CRB2: variants seen among roughly 807,000 people sequenced by gnomAD.
CRB2 encodes the protein protein crumbs homolog 2.
CRB2 carries 85 observed loss-of-function variants against 110.9 expected under a neutral mutation model. The ratio of observed to expected loss-of-function variants is 0.77; its 90% CI spans 0.64 to 0.92. CRB2 has a LOEUF of 0.92. Ranked by LOEUF, CRB2 falls within the 40% of genes least tolerant of loss-of-function variation. The pLI, the probability that CRB2 is intolerant of heterozygous loss-of-function variation, is 0.00. For synonymous variants in CRB2, 907 were observed against 831.0 expected (o/e 1.09, Z -1.57); for missense variants, 1,843 against 1,851.3 (o/e 1.00, Z 0.08).
rs1019338494 is a variant in CRB2, at chr9:123,376,970, G to A, written c.3766G>A (p.Gly1256Ser). The A allele has an allele frequency of 3.1e-6, 5 of 1,608,384 alleles. No homozygotes were observed. Among genetic ancestry groups the A allele is most frequent in the African/African-American group, 1.3e-5 (1 of 74,894 alleles). Residue 1256 changes from glycine to serine, a missense_variant, in exon 13 of 13, where the codon GGC (glycine) becomes AGC (serine). By Grantham distance (56) the Gly-to-Ser change is moderately conservative (BLOSUM62 0). Transcript: ENST00000373631. ...AGCCCGAAAGCGCCGCCAGTCTGAG[G>A]GCACCTACAGCCCAAGCCAGCAGGA... ...LAARKRRQSE[G>S]TYSPSQQEVA...
In CRB2 at chr9:123,356,325, T is replaced by C. The variant is rs1588200054; in HGVS notation, c.65T>C (p.Leu22Pro). 6.5e-7 allele frequency: 1 copy of C among 1,547,772 alleles called. No homozygotes were observed. Among genetic ancestry groups the C allele is most frequent in the East Asian group, 2.5e-5 (1 of 40,770 alleles). The stretch of plus-strand genomic sequence containing the variant: ...CTGGCCTCTGTCCTGCTACTGCTGC[T>C]CTGGGCCCCTGCCCTTTCCCTCCTG... ...QALASVLLLL[L>P]WAPALSLLAG... The change falls in exon 1 of 13, where the codon CTC becomes CCC. Residue 22 changes from leucine to proline, a missense_variant. Coordinates refer to ENST00000373631, the MANE Select transcript of CRB2 (RefSeq NM_173689.7).
chr9:123,357,248 G>A (rs1015193258), intron 1 of CRB2, among the ~76,000 whole-genome samples: 2 of 152,100 alleles, frequency 1.3e-5, no homozygotes, highest in African/African-American at 4.8e-5. Context: ...AATTCCTCCT[G>A]GGGGGTCCAA....
chr9:123,356,977 C>T (rs1316014510), intron 1 of CRB2, among the ~76,000 whole-genome samples: 2 of 151,988 alleles, frequency 1.3e-5, no homozygotes, highest in African/African-American at 2.4e-5. Flanking sequence ...GACCCCAACT[C>T]GGGACTGAGT....
Position 123,363,007 on chromosome 9 carries a change from C to T in CRB2, c.237C>T (p.Gly79=), listed in dbSNP as rs141421447. 53 of 1,612,442 alleles carry T rather than the reference C, an allele frequency of 3.3e-5. No homozygotes were observed. Among genetic ancestry groups the T allele is most frequent in the East Asian group, 6.7e-5 (3 of 44,890 alleles). The change falls in exon 2 of 13, where the codon GGC becomes GGT. Residue 79 remains glycine, a synonymous_variant. Transcript: ENST00000373631. ...GTGCCACCCAGCCATGCCACCACGGCGCTCTGTGTGTGCCCCAGGGTCCAG... is the reference window on the plus strand; with the variant it reads ...GTGCCACCCAGCCATGCCACCACGGTGCTCTGTGTGTGCCCCAGGGTCCAG... ...RGCATQPCHH[G]ALCVPQGPDP... is the part of the protein sequence containing the mutation.
chr9:123,368,224 T>A (rs1041495388), intron 6 of CRB2, among the ~76,000 whole-genome samples: 24 of 152,234 alleles, frequency 1.6e-4, no homozygotes, highest in African/African-American at 5.5e-4. Context: ...GCATTCCTGC[T>A]GGGGCACACT....
rs567414199 is a variant in CRB2 at position 123,366,407 on chromosome 9, A to G, written c.754+41A>G. 39 of 1,514,642 alleles carry G rather than the reference A, an allele frequency of 2.6e-5. No homozygotes were observed. The African/African-American group carries it at 2.7e-4, about 11-fold the overall frequency. 93.8% of individuals were successfully genotyped at this position (1,514,642 alleles called of 1,614,324 possible). A position where few individuals can be genotyped will look rare whatever the true frequency, so the allele number is the denominator to read the frequency against. ...TGCGCGGCCTGGCGGGGGGAGGGGT[A>G]GGTGTGCGCCTGTGCGGCCTGGGGC... On this transcript the variant is annotated intron_variant, in intron 4 of 12. Transcript: ENST00000373631.
intron 1 of CRB2, among the ~76,000 whole-genome samples, chr9:123,359,090 C>T (rs999290593): frequency 1.3e-5 from 2 of 152,170 alleles, no homozygotes; most frequent in African/African-American, 4.8e-5. Context: ...CCGTCCCTGA[C>T]AGCTATTGTT....
downstream of CRB2, among the ~76,000 whole-genome samples, chr9:123,379,162 C>G (rs1213302195): frequency 6.6e-6 from 1 of 151,748 alleles, no homozygotes; most frequent in African/African-American, 2.4e-5. Context: ...GGGGCATGGT[C>G]AGATGATGGG....
At chr9:123,361,334 C>A (rs1564368844) in intron 1 of CRB2, among the ~76,000 whole-genome samples, 2 of 152,204 alleles carry the variant, frequency 1.3e-5, no homozygotes, top group Non-Finnish European at 2.9e-5. Context: ...TTCAACACCT[C>A]CATGAGATGG....
At position 123,373,950 on chromosome 9, in the gene CRB2, C is replaced by G. The variant is rs547729666; in HGVS notation, c.3389+30C>G. 1.3e-4 allele frequency: 199 copies of G among 1,549,618 alleles called. 1 individual carries two copies. The African/African-American group carries it at 2.6e-3, about 20-fold the overall frequency. On this transcript the variant is annotated intron_variant, in intron 10 of 12. Coordinates refer to ENST00000373631, the MANE Select transcript of CRB2 (RefSeq NM_173689.7). Reference sequence around the variant, plus strand: ...GATGGCTGGGCAGGGGGGTGGGCTGCGAATGCCCCCTGGGGCTATGGTGGG... The same window carrying G: ...GATGGCTGGGCAGGGGGGTGGGCTGGGAATGCCCCCTGGGGCTATGGTGGG...
chr9:123,374,583 C>A lies in CRB2; in HGVS notation c.3394C>A (p.Pro1132Thr), dbSNP rs750093395. ...CAGCCTCTGCTCTCTCCCCAGGTTG[C>A]CTGTCCCATCCAAGGAGTGCAGCCT... ...PGFGGPRCRLPVPSKECSLNV... is the reference protein window; with the variant it reads ...PGFGGPRCRLTVPSKECSLNV... Residue 1132 changes from proline to threonine, a missense_variant, in exon 11 of 13, where the codon CCT becomes ACT. Physicochemically the swap from Pro to Thr is conservative, Grantham distance 38. Transcript: ENST00000373631. 20 of 1,612,136 alleles carry A rather than the reference C, an allele frequency of 1.2e-5. No individual in the cohort carries two copies. Among genetic ancestry groups the A allele is most frequent in the Non-Finnish European group, 1.6e-5 (19 of 1,178,988 alleles).
intron 12 of CRB2, among the ~76,000 whole-genome samples, chr9:123,376,021 C>A (rs568437304): frequency 2.6e-5 from 4 of 151,996 alleles, no homozygotes; most frequent in Admixed American, 1.3e-4. Context: ...CCTCCGCTTA[C>A]GGGGAATGTT....
Position 123,370,937 on chromosome 9 carries a change from T to C in CRB2, c.1884T>C (p.Arg628=), listed in dbSNP as rs934197289. The C allele has an allele frequency of 3.1e-6, 5 of 1,609,692 alleles. No homozygotes were observed. Among genetic ancestry groups the C allele is most frequent in the Admixed American group, 3.3e-5 (2 of 59,796 alleles). Residue 628 remains arginine (R), a synonymous_variant, in exon 7 of 13, where the codon CGT becomes CGC. Transcript: ENST00000373631. ...GSCVDLWTHF[R]CDCARPHRGP... is the part of the protein sequence containing the mutation. ...GTGTGGATCTGTGGACTCATTTCCG[T>C]TGCGACTGTGCCCGGCCCCATAGAG...
At chr9:123,365,892 C>A in intron 2 of CRB2, 25 bp from the exon 3 acceptor site, 1 of 1,576,038 alleles carries the variant, frequency 6.3e-7, no homozygotes, top group Non-Finnish European at 8.6e-7. Flanking sequence ...CATCCTGCAC[C>A]CTGTGTGTCC....
chr9:123,372,108 G>T (rs927453459), intron 8 of CRB2, 69 bp from the exon 9 acceptor site: 2 of 1,508,072 alleles, frequency 1.3e-6, no homozygotes, highest in Non-Finnish European at 1.8e-6. Context: ...AAGAAGCACT[G>T]CAATGCCAGT....
Position 123,366,083 on chromosome 9 carries a change from T to TGGG in CRB2, c.588_590dup (p.Gly197dup). 2 of 1,541,408 alleles carry TGGG rather than the reference T, an allele frequency of 1.3e-6. No individual in the cohort carries two copies. The highest frequency in any genetic ancestry group is 1.7e-6 in the Non-Finnish European group (2 of 1,151,314). ...AGTGCCAGAGCCAGCCGTGCGCACA[T>TGGG]GGGGGCACGTGCCACGACCTGGTCA... On this transcript the variant is annotated inframe_insertion, in exon 3 of 13. Coordinates refer to ENST00000373631, the MANE Select transcript of CRB2 (RefSeq NM_173689.7).
Position 123,370,816 on chromosome 9 carries a change from ACC to A in CRB2, c.1764_1765del (p.Leu589ProfsTer4). 1 of 1,594,174 alleles carries A rather than the reference ACC, an allele frequency of 6.3e-7. No individual in the cohort carries two copies. On this transcript the variant is annotated frameshift_variant, in exon 7 of 13. Transcript: ENST00000373631. LOFTEE classifies it high-confidence loss of function. ...CTCCAGGACGTGCGTGTGGATGGCCACCTCCTGCTGCCTGAGGATCTCGGTGA... is the reference window on the plus strand; with the variant it reads ...CTCCAGGACGTGCGTGTGGATGGCCATCCTGCTGCCTGAGGATCTCGGTGA...
At chr9:123,366,425 C>A (rs1470731800) in intron 4 of CRB2, 59 bp downstream of exon 4, 26 of 1,484,690 alleles carry the variant, frequency 1.8e-5, no homozygotes, top group Non-Finnish European at 2.3e-5. Context: ...GCCTGTGCGG[C>A]CTGGGGCGGT....
chr9:123,366,807 C>G (rs573005872), intron 4 of CRB2, among the ~76,000 whole-genome samples: 1 of 151,940 alleles, frequency 6.6e-6, no homozygotes, highest in African/African-American at 2.4e-5. Flanking sequence ...AAAAATTAGC[C>G]AAGCATGGTG....
Sources: allele counts gnomAD v4.1 joint callset (sites outside exome capture counted in the v4.1 genomes callset), GRCh38; gene constraint gnomAD v4.1.1; transcripts MANE v1.5; gene names NCBI Gene and HGNC (gene_info 2026-07-23, HGNC 2026-07-21).